Variants in BLM observed in about 807,000 individuals in gnomAD.
BLM encodes the protein BLM RecQ like helicase, also known as recQ-like DNA helicase BLM.
A neutral mutation model predicts 135.3 loss-of-function variants in BLM; 95 were observed. That is an observed-to-expected ratio of 0.70 (90% confidence interval 0.59 to 0.83). The LOEUF is 0.83. Among genes scored for constraint, BLM ranks in the 40% least tolerant of loss-of-function variants. The probability of loss-of-function intolerance (pLI) is 0.00; values close to 1 mark genes in which losing one functional copy is unlikely to be tolerated. For synonymous variants in BLM, 520 were observed against 589.2 expected, an observed-to-expected ratio of 0.88 and a Z score of 1.70; for missense variants, 1,518 against 1,663.9, an observed-to-expected ratio of 0.91 and a Z score of 1.53.
At chr15:90,717,696 G>T (rs533220861) in intron 1 of BLM, among the ~76,000 whole-genome samples, 54 of 152,366 alleles carry the variant, frequency 3.5e-4, no homozygotes, top group African/African-American at 1.3e-3. Flanking sequence ...CCGAGCATGG[G>T]CTAGGACCTG....
At chr15:90,759,955 A>AG in intron 5 of BLM, 192 bp from the exon 6 acceptor site, 2 of 420,646 alleles carry the variant, frequency 4.8e-6, no homozygotes, top group Non-Finnish European at 4.3e-6. Context: ...AGATCTTAAG[A>AG]CTTTTTTTTT....
chr15:90,792,561 C>T (rs947371065), intron 15 of BLM, among the ~76,000 whole-genome samples: 16 of 152,070 alleles, frequency 1.1e-4, no homozygotes, highest in Admixed American at 8.5e-4. Flanking sequence ...AAGTGAGCTT[C>T]GGAAAGGTTT....
At chr15:90,794,898 G>A (rs1478639693) in intron 16 of BLM, among the ~76,000 whole-genome samples, 1 of 151,400 alleles carries the variant, frequency 6.6e-6, no homozygotes, top group African/African-American at 2.4e-5. Flanking sequence ...TAACTATAAA[G>A]AATAACAGTA....
At chr15:90,743,268 C>T (rs1009119891) in intron 1 of BLM, among the ~76,000 whole-genome samples, 1 of 151,778 alleles carries the variant, frequency 6.6e-6, no homozygotes, top group Non-Finnish European at 1.5e-5. Flanking sequence ...CGTGAGCCAC[C>T]GCTCCTGGCC....
intron 1 of BLM, among the ~76,000 whole-genome samples, chr15:90,739,453 G>A (rs886696577): frequency 3.3e-5 from 5 of 152,096 alleles, no homozygotes; most frequent in African/African-American, 1.2e-4. Context: ...ACTCATACCT[G>A]TAATCCCAGC....
Position 90,794,171 on chromosome 15 carries a change from A to G in BLM, c.3024A>G (p.Glu1008=). The change falls in exon 16 of 22, where the codon GAA becomes GAG. Residue 1008 remains glutamate (E), a synonymous_variant. Coordinates refer to ENST00000355112, the MANE Select transcript of BLM (RefSeq NM_000057.4). ...TATAGTCTTCATCTCTTTTAGTGGAAAAAGATGGAAACCATCATACAAGAG... is the reference window on the plus strand; with the variant it reads ...TATAGTCTTCATCTCTTTTAGTGGAGAAAGATGGAAACCATCATACAAGAG... ...VTRLKRLIMM[E]KDGNHHTRET... 1.3e-6 allele frequency: 2 copies of G among 1,598,866 alleles called. No individual in the cohort carries two copies. The highest frequency in any genetic ancestry group is 1.3e-5 in the African/African-American group (1 of 74,770).
chr15:90,802,827 G>A (rs1897194402), intron 17 of BLM, among the ~76,000 whole-genome samples: 1 of 152,010 alleles, frequency 6.6e-6, no homozygotes. Flanking sequence ...TCATTGGATT[G>A]TTTGCAACTC....
At chr15:90,794,694 T>G (rs1048167005) in intron 16 of BLM, among the ~76,000 whole-genome samples, 2 of 149,318 alleles carry the variant, frequency 1.3e-5, no homozygotes, top group African/African-American at 4.9e-5. Flanking sequence ...TATTTTAAAT[T>G]TAATATATTA....
chr15:90,732,561 C>T (rs555720701), intron 1 of BLM, among the ~76,000 whole-genome samples: 12 of 138,522 alleles, frequency 8.7e-5, no homozygotes, highest in East Asian at 2.1e-4. Context: ...TGAAAATTAA[C>T]GAAATGAAAA....
intron 1 of BLM, among the ~76,000 whole-genome samples, chr15:90,742,899 G>C (rs555990219): frequency 6.6e-6 from 1 of 151,964 alleles, no homozygotes; most frequent in East Asian, 1.9e-4. Flanking sequence ...GCTTCCCAAA[G>C]TGCTAGTATT....
intron 4 of BLM, 129 bp from the exon 5 acceptor site, chr15:90,754,682 A>C: frequency 9.0e-7 from 1 of 1,114,040 alleles, no homozygotes; most frequent in South Asian, 1.6e-5. Flanking sequence ...GAGGAAATTT[A>C]AAAAACTACT....
chr15:90,797,414 C>CAAAAAAAAA (rs56369282), intron 16 of BLM, among the ~76,000 whole-genome samples: 156 of 109,570 alleles, frequency 1.4e-3, no homozygotes, highest in African/African-American at 4.8e-3. Context: ...AACTCCATCT[C>CAAAAAAAAA]AAAAAAAAAA....
intron 12 of BLM, among the ~76,000 whole-genome samples, chr15:90,772,216 G>A (rs1028712870): frequency 3.9e-5 from 6 of 152,150 alleles, no homozygotes; most frequent in Non-Finnish European, 5.9e-5. Flanking sequence ...TGGCCCTGGC[G>A]AAGTCAGGTA....
chr15:90,756,833 T>TACAG (rs1190281515), intron 5 of BLM, among the ~76,000 whole-genome samples: 1 of 152,210 alleles, frequency 6.6e-6, no homozygotes, highest in Non-Finnish European at 1.5e-5. Flanking sequence ...TCTAGAGTCC[T>TACAG]ACAGACCTGT....
intron 4 of BLM, among the ~76,000 whole-genome samples, chr15:90,754,037 AG>A (rs1895753393): frequency 6.6e-6 from 1 of 152,234 alleles, no homozygotes; most frequent in African/African-American, 2.4e-5. Context: ...CCAGATGTCA[AG>A]CAAATAGAAA....
chr15:90,746,231 AT>A (rs767251671), intron 1 of BLM, among the ~76,000 whole-genome samples: 13 of 152,180 alleles, frequency 8.5e-5, no homozygotes, highest in Admixed American at 2.6e-4. Flanking sequence ...GGATGAGTTG[AT>A]AATTGTTGAA....
rs765536045 is a variant in BLM at position 90,760,917 on chromosome 15, A to C, written c.1544A>C (p.Asn515Thr). ...GAAACACCAAGACTAGGAAAAAAAA[A>C]TGAAAGCTCTTATTTCCCAGGAAAT... is the stretch of plus-strand genomic sequence containing the variant. ...WAETPRLGKKNESSYFPGNVL... is the reference protein window; with the variant it reads ...WAETPRLGKKTESSYFPGNVL... Residue 515 changes from asparagine (N) to threonine (T), a missense_variant, in exon 7 of 22, where the codon AAT becomes ACT. This residue lies in a region of BLM where 724 missense variants were observed against 756.9 expected (regional missense o/e 0.96). Transcript: ENST00000355112. 5 of 1,613,952 alleles carry C rather than the reference A, an allele frequency of 3.1e-6. No individual in the cohort carries two copies. The African/African-American group carries it at 6.7e-5, about 22-fold the overall frequency.
At chr15:90,764,941 T>C (rs1022907647) in intron 8 of BLM, among the ~76,000 whole-genome samples, 1 of 152,108 alleles carries the variant, frequency 6.6e-6, no homozygotes, top group Middle Eastern at 3.2e-3. Context: ...TGGTGGTGCA[T>C]GCCTATAGTC....
intron 5 of BLM, among the ~76,000 whole-genome samples, chr15:90,757,927 G>A (rs2151155098): frequency 6.6e-6 from 1 of 150,454 alleles, no homozygotes; most frequent in African/African-American, 2.4e-5. Context: ...TGTCACCCAG[G>A]CTAAAGTGCA....
Sources: allele counts gnomAD v4.1 joint callset (sites outside exome capture counted in the v4.1 genomes callset), GRCh38; gene constraint gnomAD v4.1.1; regional missense constraint gnomAD v4.1.1; transcripts MANE v1.5; gene names NCBI Gene and HGNC (gene_info 2026-07-23, HGNC 2026-07-21).